Variants in MAP3K5 observed in about 807,000 individuals in gnomAD.
MAP3K5 encodes the protein mitogen-activated protein kinase kinase kinase 5, also known as ASK-1.
Under a neutral mutation model 158.7 loss-of-function variants are expected in MAP3K5, and 56 were observed. The observed-to-expected ratio is 0.35, with a 90% confidence interval of 0.28 to 0.44. The LOEUF is 0.44. Ranked by LOEUF, MAP3K5 falls within the 20% of genes least tolerant of loss-of-function variation. The pLI, the probability that MAP3K5 is intolerant of heterozygous loss-of-function variation, is 1.00. For missense variants in MAP3K5, 1,294 were observed against 1,674.8 expected, an observed-to-expected ratio of 0.77 and a Z score of 3.97; for synonymous variants, 579 against 601.7, an observed-to-expected ratio of 0.96 and a Z score of 0.55.
chr6:136,689,784 G>A (rs1252708609), intron 7 of MAP3K5, among the ~76,000 whole-genome samples: 1 of 152,074 alleles, frequency 6.6e-6, no homozygotes, highest in Admixed American at 6.6e-5. Context: ...ACTATGAGAA[G>A]TACATGTGTA....
At chr6:136,751,970 T>G (rs1783229789) in intron 1 of MAP3K5, among the ~76,000 whole-genome samples, 3 of 152,188 alleles carry the variant, frequency 2.0e-5, no homozygotes, top group Non-Finnish European at 4.4e-5. Flanking sequence ...TAGAAACATC[T>G]CTGGTATTAT....
At chr6:136,644,938 A>G (rs1167434464) in intron 11 of MAP3K5, among the ~76,000 whole-genome samples, 1 of 152,062 alleles carries the variant, frequency 6.6e-6, no homozygotes, top group Admixed American at 6.5e-5. Flanking sequence ...TACCCTCAGA[A>G]TCACCCCACC....
At chr6:136,559,149 G>A (rs1304482786) in intron 28 of MAP3K5, among the ~76,000 whole-genome samples, 5 of 152,112 alleles carry the variant, frequency 3.3e-5, no homozygotes, top group Non-Finnish European at 7.3e-5. Flanking sequence ...TCAGGAGTTC[G>A]AGACCAGCCT....
chr6:136,705,208 T>C (rs1781021579), intron 2 of MAP3K5, 75 bp from the exon 3 acceptor site: 1 of 687,432 alleles, frequency 1.5e-6, no homozygotes, highest in Non-Finnish European at 2.4e-6. Context: ...TTGAACTATG[T>C]GGGAAAATTT....
upstream of MAP3K5, chr6:136,792,478 G>T: frequency 5.5e-6 from 4 of 728,992 alleles, no homozygotes; most frequent in Non-Finnish European, 6.7e-6. This position sits in a 1 kb window ranked among gnomAD's most constrained non-coding sequence, Gnocchi z 5.7. Flanking sequence ...AAGTCGGCTC[G>T]CAAACCTGCG....
chr6:136,597,244 G>A (rs760662601), intron 21 of MAP3K5, among the ~76,000 whole-genome samples: 192 of 152,338 alleles, frequency 1.3e-3, no homozygotes, highest in Non-Finnish European at 2.3e-3. Flanking sequence ...CTGGAGTCAG[G>A]AGGGGTGACT....
At chr6:136,769,031 T>C (rs1027048501) in intron 1 of MAP3K5, among the ~76,000 whole-genome samples, 8 of 152,202 alleles carry the variant, frequency 5.3e-5, no homozygotes, top group Non-Finnish European at 1.0e-4. Context: ...GCTGAAATCA[T>C]GTCCACCCAA....
intron 7 of MAP3K5, among the ~76,000 whole-genome samples, chr6:136,693,110 CTTTAT>C (rs919356709): frequency 1.3e-5 from 2 of 151,956 alleles, no homozygotes; most frequent in Admixed American, 6.6e-5. Context: ...GGGGATAGAA[CTTTAT>C]TTTATTTTTC....
At chr6:136,608,398 G>T (rs544804190) in intron 18 of MAP3K5, among the ~76,000 whole-genome samples, 1 of 152,310 alleles carries the variant, frequency 6.6e-6, no homozygotes, top group East Asian at 1.9e-4. Flanking sequence ...GCACAGTTGG[G>T]GAAGCCACCG....
rs1410082840 is a variant in MAP3K5 at position 136,609,257 on chromosome 6, A to AAGT, written c.2521+2024_2521+2025insACT. 2.6e-5 allele frequency among the ~76,000 whole-genome samples: 4 copies of AAGT among 152,218 alleles called. No homozygotes were observed. Among genetic ancestry groups the AAGT allele is most frequent in the African/African-American group, 9.7e-5 (4 of 41,450 alleles). On this transcript the variant is annotated intron_variant, in intron 18 of 29. Transcript: ENST00000359015. The surrounding 1 kb of genome is among the most constrained non-coding windows in gnomAD (Gnocchi z 4.4). The stretch of plus-strand genomic sequence containing the variant: ...AGAGTAAGAGGAAAGAAATGTAAAG[A>AAGT]CATTTGAAGTTATTAATAGGTCAGA...
At chr6:136,607,676 G>C (rs992672865) in intron 18 of MAP3K5, among the ~76,000 whole-genome samples, 39 of 152,144 alleles carry the variant, frequency 2.6e-4, no homozygotes, top group African/African-American at 9.2e-4. Flanking sequence ...ACTACCCAGG[G>C]AGGTGGTACA....
intron 28 of MAP3K5, among the ~76,000 whole-genome samples, chr6:136,561,322 T>A (rs547955758): frequency 6.6e-6 from 1 of 152,188 alleles, no homozygotes; most frequent in Non-Finnish European, 1.5e-5. Flanking sequence ...ACCTGATACC[T>A]TTTTCTTCAT....
At chr6:136,703,508 T>G (rs927291550) in intron 3 of MAP3K5, among the ~76,000 whole-genome samples, 2 of 152,236 alleles carry the variant, frequency 1.3e-5, no homozygotes, top group East Asian at 3.8e-4. Flanking sequence ...CAGCCTCCCC[T>G]GTGAGAACCC....
chr6:136,609,031 G>A lies in MAP3K5; in HGVS notation c.2521+2251C>T, dbSNP rs1776220451. Among the ~76,000 whole-genome samples, 1 of 152,206 alleles carries A rather than the reference G, an allele frequency of 6.6e-6. No homozygotes were observed. The highest frequency in any genetic ancestry group is 6.5e-5 in the Admixed American group (1 of 15,284). ...CACACGTCACTCTTACGTGACACCA[G>A]TGGAAGAGGTCCAAGAAAAGGGCTC... On this transcript the variant is annotated intron_variant, in intron 18 of 29. Transcript: ENST00000359015. This position sits in a 1 kb window ranked among gnomAD's most constrained non-coding sequence, Gnocchi z 4.4.
At position 136,737,988 on chromosome 6, in the gene MAP3K5, T is replaced by A. The variant is rs141501082; in HGVS notation, c.449-17399A>T. Among the ~76,000 whole-genome samples the A allele has an allele frequency of 2.2e-4, 33 of 152,212 alleles. 2 individuals are homozygous for A. Among genetic ancestry groups the A allele is most frequent in the African/African-American group, 7.9e-4 (33 of 41,526 alleles). ...CATTCCTGGCTGCTTTGCAATTGCATAATATAGGAGTTTCTTTTTACCAGA... is the reference window on the plus strand; with the variant it reads ...CATTCCTGGCTGCTTTGCAATTGCAAAATATAGGAGTTTCTTTTTACCAGA... On this transcript the variant is annotated intron_variant, in intron 1 of 29. Transcript: ENST00000359015.
intron 23 of MAP3K5, among the ~76,000 whole-genome samples, chr6:136,588,841 A>C (rs1469102730): frequency 1.3e-5 from 2 of 152,050 alleles, no homozygotes; most frequent in Admixed American, 6.6e-5. Context: ...TCCTCCCTGG[A>C]CTCAGAGGCC....
intron 7 of MAP3K5, among the ~76,000 whole-genome samples, chr6:136,690,613 T>C (rs773195077): frequency 3.3e-5 from 5 of 152,224 alleles, no homozygotes; most frequent in Non-Finnish European, 7.3e-5. Flanking sequence ...TGGCCATTTG[T>C]GATTCCATTT....
chr6:136,770,537 A>C (rs1784155182), intron 1 of MAP3K5, among the ~76,000 whole-genome samples: 1 of 152,246 alleles, frequency 6.6e-6, no homozygotes, highest in Non-Finnish European at 1.5e-5. Context: ...ATCATACAAC[A>C]AAATAAATTC....
At chr6:136,663,608 T>TC (rs1779102182) in intron 8 of MAP3K5, among the ~76,000 whole-genome samples, 1 of 99,368 alleles carries the variant, frequency 1.0e-5, no homozygotes, top group South Asian at 2.7e-4. Context: ...ATTTCTCACT[T>TC]TTTTTTTTTT....
Sources: gnomAD v4.1 joint callset for allele counts (sites outside exome capture counted in the v4.1 genomes callset) on GRCh38, gnomAD v4.1.1 for gene constraint, Gnocchi (gnomAD v3.1) non-coding constraint, MANE v1.5 for transcripts, NCBI Gene and HGNC (gene_info 2026-07-23, HGNC 2026-07-21) for gene names.